Variants in TMED8 observed in about 807,000 individuals in gnomAD.
TMED8 encodes the protein protein TMED8.
In TMED8, 15 loss-of-function variants were observed where a neutral mutation model predicts 32.7. The ratio of observed to expected loss-of-function variants is 0.46; its 90% CI spans 0.31 to 0.71. The LOEUF (loss-of-function observed/expected upper bound fraction) is 0.71. TMED8 is among the 30% of genes least tolerant of loss of function. The pLI is 0.06. For missense variants in TMED8, 390 were observed against 423.9 expected (o/e 0.92, Z 0.70); for synonymous variants, 147 against 161.4 (o/e 0.91, Z 0.68).
intron 1 of TMED8, among the ~76,000 whole-genome samples, chr14:77,352,324 G>A (rs1219094237): frequency 6.6e-6 from 1 of 151,986 alleles, no homozygotes; most frequent in Non-Finnish European, 1.5e-5. Flanking sequence ...TGAGGCAGAA[G>A]AATCACTTGA....
At position 77,346,422 on chromosome 14, in the gene TMED8, G is replaced by A; in HGVS notation, c.254C>T (p.Thr85Ile). The part of the protein sequence containing the change: ...KDATEDLRKA[T>I]GPLEAQALVK... ...CAAGGCCTGAGCCTCCAAAGGACCA[G>A]TTGCTTTCCGCAGATCTTCCGTGGC... The change falls in exon 3 of 6, where the codon ACT (threonine) becomes ATT (isoleucine). Residue 85 changes from threonine (T) to isoleucine (I), a missense_variant. Coordinates refer to ENST00000216468, the MANE Select transcript of TMED8 (RefSeq NM_213601.3). 6.2e-7 allele frequency: 1 copy of A among 1,614,192 alleles called. No homozygotes were observed. Among genetic ancestry groups the A allele is most frequent in the East Asian group, 2.2e-5 (1 of 44,888 alleles).
At position 77,348,025 on chromosome 14, in the gene TMED8, T is replaced by C. The variant is rs779691159; in HGVS notation, c.198-1547A>G. Among the ~76,000 whole-genome samples, 26 of 152,336 alleles carry C rather than the reference T, an allele frequency of 1.7e-4. 1 individual carries two copies. Among genetic ancestry groups the C allele is most frequent in the South Asian group, 8.3e-4 (4 of 4,830 alleles). On this transcript the variant is annotated intron_variant, in intron 2 of 5. Transcript: ENST00000216468. ...GACTATATGACATGTGATACCGCAA[T>C]AGAATGAACTCAGAAGCAGAGCTGA...
Position 77,341,819 on chromosome 14 carries a change from G to T in TMED8, c.930C>A (p.Ser310=), listed in dbSNP as rs1257117953. Residue 310 remains serine (S), a synonymous_variant, in exon 6 of 6, where the codon TCC becomes TCA. Coordinates refer to ENST00000216468, the MANE Select transcript of TMED8 (RefSeq NM_213601.3). ...AGTAGAGAGTCTTGTTGCGCAGCAG[G>T]GAGTAGGAGTTGTCGAACTTGAGCA... The part of the protein sequence containing the change: ...IYLLKFDNSY[S]LLRNKTLYFH... The T allele has an allele frequency of 6.2e-7, 1 of 1,614,144 alleles. No individual in the cohort carries two copies. The highest frequency in any genetic ancestry group is 1.7e-5 in the Admixed American group (1 of 60,016).
intron 1 of TMED8, among the ~76,000 whole-genome samples, chr14:77,365,043 A>G (rs928791465): frequency 6.6e-6 from 1 of 152,236 alleles, no homozygotes; most frequent in Non-Finnish European, 1.5e-5. Context: ...CTGACCACAC[A>G]TACTACTTAA....
chr14:77,374,927 AAAAC>A (rs961998209), intron 1 of TMED8, among the ~76,000 whole-genome samples: 4 of 152,240 alleles, frequency 2.6e-5, no homozygotes, highest in African/African-American at 7.2e-5. Flanking sequence ...ATGGCCAATA[AAAAC>A]AAACAATTAT....
Position 77,346,355 on chromosome 14 carries a change from G to C in TMED8, c.321C>G (p.Leu107=), listed in dbSNP as rs1893032601. 3 of 1,613,872 alleles carry C rather than the reference G, an allele frequency of 1.9e-6. No homozygotes were observed. The highest frequency in any genetic ancestry group is 2.5e-6 in the Non-Finnish European group (3 of 1,179,968). ...GCCAGAATCTGCCCCCTACCTCATT[G>C]AGGACCTGGGCCTGGTCTGCAGGCA... ...DLLPADQAQV[L]NEMAKYQVPQ... is the part of the protein sequence containing the mutation. Residue 107 remains leucine (L), a synonymous_variant, in exon 3 of 6, where the codon CTC becomes CTG. Coordinates refer to ENST00000216468, the MANE Select transcript of TMED8 (RefSeq NM_213601.3).
At chr14:77,367,937 G>A (rs1403220150) in intron 1 of TMED8, among the ~76,000 whole-genome samples, 2 of 152,122 alleles carry the variant, frequency 1.3e-5, no homozygotes, top group Non-Finnish European at 2.9e-5. Context: ...CAGGTGATCC[G>A]CCTTCCTCAG....
chr14:77,351,112 T>C (rs1893164767), intron 2 of TMED8, among the ~76,000 whole-genome samples: 1 of 152,104 alleles, frequency 6.6e-6, no homozygotes, highest in South Asian at 2.1e-4. Flanking sequence ...AATAGACACA[T>C]AAGCATAAGA....
intron 2 of TMED8, among the ~76,000 whole-genome samples, chr14:77,350,872 T>A (rs924851673): frequency 4.6e-5 from 7 of 152,344 alleles, no homozygotes; most frequent in African/African-American, 1.7e-4. Flanking sequence ...ATAAATTTAA[T>A]ATTCACAATT....
At chr14:77,363,878 T>C (rs761166532) in intron 1 of TMED8, among the ~76,000 whole-genome samples, 2 of 152,186 alleles carry the variant, frequency 1.3e-5, no homozygotes, top group African/African-American at 2.4e-5. Flanking sequence ...CTCATGTCCC[T>C]ACCAATAGAC....
In TMED8 at chr14:77,346,218, G is replaced by C. The variant is rs531214949; in HGVS notation, c.327+131C>G. 169 of 881,388 alleles carry C rather than the reference G, an allele frequency of 1.9e-4. No individual in the cohort carries two copies. The African/African-American group carries it at 2.7e-3, about 14-fold the overall frequency. The allele number at this position is 881,388 out of a possible 1,614,324, so 54.6% of individuals were successfully genotyped here. A position where few individuals can be genotyped will look rare whatever the true frequency, so the allele number is the denominator to read the frequency against. On this transcript the variant is annotated intron_variant, in intron 3 of 5. Coordinates refer to ENST00000216468, the MANE Select transcript of TMED8 (RefSeq NM_213601.3). ...TCCAAAAAATAATGAAGACCAAGAT[G>C]CCCTAAATTAGAGGGCAAAGAGAGA...
At chr14:77,342,317 G>A (rs546469470) in intron 5 of TMED8, among the ~76,000 whole-genome samples, 7 of 152,326 alleles carry the variant, frequency 4.6e-5, no homozygotes, top group Admixed American at 3.3e-4. Flanking sequence ...GGACATTTCT[G>A]AGAGGGAGAA....
At position 77,335,644 on chromosome 14, in the gene TMED8, C is replaced by T. The variant is rs1193972083; in HGVS notation, c.*6127G>A. 1 of 152,118 alleles carries T rather than the reference C, an allele frequency of 6.6e-6. No individual in the cohort carries two copies. The highest frequency in any genetic ancestry group is 1.5e-5 in the Non-Finnish European group (1 of 68,022). The allele number at this position is 152,118 out of a possible 1,614,324, so 9.4% of individuals were successfully genotyped here. ...TCCCTTTATTCCAATTATCCTTTTC[C>T]AAAGTCTGGCTTTCTTATAATCCAT... On this transcript the variant is annotated 3_prime_UTR_variant, in exon 6 of 6. Coordinates refer to ENST00000216468, the MANE Select transcript of TMED8 (RefSeq NM_213601.3).
At position 77,357,886 on chromosome 14, in the gene TMED8, G is replaced by A. The variant is rs1204541180; in HGVS notation, c.119-6135C>T. ...CACCTGTAATCCCAACACTTTGGGA[G>A]GCTGAGGCAGGTGGATCACCTGAGG... On this transcript the variant is annotated intron_variant, in intron 1 of 5. Transcript: ENST00000216468. Among the ~76,000 whole-genome samples the A allele has an allele frequency of 2.0e-5, 3 of 152,214 alleles. No individual in the cohort carries two copies. The East Asian group carries it at 5.8e-4, about 29-fold the overall frequency.
rs1418937928 is a variant in TMED8, at chr14:77,341,374, G to A, written c.*397C>T. 1 of 218,792 alleles carries A rather than the reference G, an allele frequency of 4.6e-6. No homozygotes were observed. Among genetic ancestry groups the A allele is most frequent in the African/African-American group, 2.3e-5 (1 of 43,200 alleles). 13.6% of individuals were successfully genotyped at this position (218,792 alleles called of 1,614,324 possible). On this transcript the variant is annotated 3_prime_UTR_variant, in exon 6 of 6. Transcript: ENST00000216468. ...TCTGGCACCTCAACAACTGAAGAGA[G>A]TGGGTGCCACTAAATGCACTGGCAA...
At position 77,341,816 on chromosome 14, in the gene TMED8, C is replaced by G; in HGVS notation, c.933G>C (p.Leu311=). 1 of 1,613,964 alleles carries G rather than the reference C, an allele frequency of 6.2e-7. No homozygotes were observed. ...GGAAGTAGAGAGTCTTGTTGCGCAG[C>G]AGGGAGTAGGAGTTGTCGAACTTGA... ...YLLKFDNSYS[L]LRNKTLYFHI... Residue 311 remains leucine, a synonymous_variant, in exon 6 of 6, where the codon CTG becomes CTC. Transcript: ENST00000216468.
chr14:77,345,659 C>CAAAAAAAA (rs11297608), intron 3 of TMED8, among the ~76,000 whole-genome samples: 1 of 103,210 alleles, frequency 9.7e-6, no homozygotes, highest in Non-Finnish European at 1.9e-5. Flanking sequence ...ACCTTTGTCT[C>CAAAAAAAA]AAAAAAAAAA....
chr14:77,367,157 G>A (rs1488562379), intron 1 of TMED8, among the ~76,000 whole-genome samples: 2 of 143,954 alleles, frequency 1.4e-5, no homozygotes, highest in Admixed American at 7.4e-5. Flanking sequence ...CAGGAGAATC[G>A]CTTGAACCTG....
At chr14:77,369,062 ATT>A (rs1294133685) in intron 1 of TMED8, among the ~76,000 whole-genome samples, 1 of 152,124 alleles carries the variant, frequency 6.6e-6, no homozygotes, top group Non-Finnish European at 1.5e-5. Flanking sequence ...TACCGAGTTG[ATT>A]TTTTGTGTAT....
Sources: gnomAD v4.1 joint callset for allele counts (sites outside exome capture counted in the v4.1 genomes callset) on GRCh38, gnomAD v4.1.1 for gene constraint, MANE v1.5 for transcripts, NCBI Gene and HGNC (gene_info 2026-07-23, HGNC 2026-07-21) for gene names.